ARFGEF2: variants seen among roughly 807,000 people sequenced by gnomAD.
ARFGEF2 encodes the protein brefeldin A-inhibited guanine nucleotide-exchange protein 2.
Under a neutral mutation model 219.9 loss-of-function variants are expected in ARFGEF2, and 74 were observed. The observed-to-expected ratio is 0.34, with a 90% confidence interval of 0.28 to 0.41. The LOEUF (loss-of-function observed/expected upper bound fraction) is 0.41. Among genes scored for constraint, ARFGEF2 ranks in the 10% least tolerant of loss-of-function variants. The pLI, the probability that ARFGEF2 is intolerant of heterozygous loss-of-function variation, is 1.00. For synonymous variants in ARFGEF2, 733 were observed against 799.2 expected, an observed-to-expected ratio of 0.92 and a Z score of 1.40; for missense variants, 1,743 against 2,218.3, an observed-to-expected ratio of 0.79 and a Z score of 4.30.
At chr20:49,018,203 G>T (rs2091542808) in intron 33 of ARFGEF2, among the ~76,000 whole-genome samples, 1 of 152,112 alleles carries the variant, frequency 6.6e-6, no homozygotes, top group African/African-American at 2.4e-5. Flanking sequence ...TACAGCAACT[G>T]TCTTCTGCTG....
intron 38 of ARFGEF2, 72 bp from the exon 39 acceptor site, chr20:49,032,951 A>G: frequency 1.4e-6 from 2 of 1,411,736 alleles, no homozygotes; most frequent in Admixed American, 1.8e-5. Flanking sequence ...GGTGAGATTA[A>G]CACTTCTGAA....
chr20:48,976,669 G>A (rs951557059), intron 14 of ARFGEF2, among the ~76,000 whole-genome samples: 6 of 152,010 alleles, frequency 3.9e-5, no homozygotes, highest in Non-Finnish European at 5.9e-5. Context: ...TTAGCCGGGC[G>A]TGGTGGCGGG....
chr20:48,939,250 G>A (rs1173882189), intron 1 of ARFGEF2, among the ~76,000 whole-genome samples: 1 of 152,066 alleles, frequency 6.6e-6, no homozygotes, highest in Non-Finnish European at 1.5e-5. Flanking sequence ...TGGGATTACA[G>A]GCATGAGCCA....
intron 1 of ARFGEF2, among the ~76,000 whole-genome samples, chr20:48,937,088 A>C (rs888014846): frequency 1.3e-5 from 2 of 152,164 alleles, no homozygotes; most frequent in Non-Finnish European, 2.9e-5. Flanking sequence ...TCTGTCTCCA[A>C]AACAAAAACA....
intron 20 of ARFGEF2, among the ~76,000 whole-genome samples, chr20:48,990,382 G>A (rs2091351042): frequency 6.6e-6 from 1 of 152,122 alleles, no homozygotes; most frequent in Non-Finnish European, 1.5e-5. Flanking sequence ...ATATGAATAT[G>A]TCTGTAAACC....
chr20:48,940,905 G>A (rs1423076070), intron 1 of ARFGEF2, among the ~76,000 whole-genome samples: 1 of 152,154 alleles, frequency 6.6e-6, no homozygotes, highest in Admixed American at 6.6e-5. Flanking sequence ...TGGTGCCAAG[G>A]CTGAGAAATC....
chr20:48,981,781 G>A (rs974826122), intron 14 of ARFGEF2, among the ~76,000 whole-genome samples: 2 of 152,064 alleles, frequency 1.3e-5, no homozygotes, highest in Non-Finnish European at 2.9e-5. Context: ...ATCTGCTATT[G>A]AAGCTTGTGC....
At chr20:49,010,844 T>G (rs1436759920) in intron 27 of ARFGEF2, among the ~76,000 whole-genome samples, 1 of 152,230 alleles carries the variant, frequency 6.6e-6, no homozygotes, top group Non-Finnish European at 1.5e-5. Context: ...AACATGTGCA[T>G]GCACAGAAGA....
intron 31 of ARFGEF2, 124 bp downstream of exon 31, chr20:49,016,539 T>G (rs2091531455): frequency 8.9e-7 from 1 of 1,123,458 alleles, no homozygotes; most frequent in Admixed American, 2.2e-5. Context: ...GTTGGTGAAA[T>G]GTATACGTTT....
intron 35 of ARFGEF2, among the ~76,000 whole-genome samples, chr20:49,023,780 C>T (rs534893614): frequency 9.2e-5 from 14 of 151,908 alleles, no homozygotes; most frequent in African/African-American, 1.9e-4. Flanking sequence ...CCTCGTGATC[C>T]GCCCGCCTCG....
Position 48,984,807 on chromosome 20 carries a change from C to T in ARFGEF2, c.2037C>T (p.Ala679=). The change falls in exon 15 of 39, where the codon GCC becomes GCT. Residue 679 remains alanine, a synonymous_variant. Transcript: ENST00000371917. ...GMLGTSVEDI[A]QFLHQEERLD... is the part of the protein sequence containing the mutation. ...TGGGAACGTCAGTTGAAGACATAGC[C>T]CAATTCCTGCACCAGGAGGAGCGCC... 6.2e-7 allele frequency: 1 copy of T among 1,612,992 alleles called. No homozygotes were observed. The highest frequency in any genetic ancestry group is 8.5e-7 in the Non-Finnish European group (1 of 1,180,016).
intron 26 of ARFGEF2, among the ~76,000 whole-genome samples, chr20:49,006,905 C>T (rs2091464109): frequency 6.7e-6 from 1 of 150,370 alleles, no homozygotes; most frequent in Non-Finnish European, 1.5e-5. Context: ...GACGGAGTCT[C>T]TCCTGACCTC....
intron 8 of ARFGEF2, among the ~76,000 whole-genome samples, chr20:48,968,192 A>G (rs933217273): frequency 4.0e-5 from 6 of 151,778 alleles, no homozygotes; most frequent in African/African-American, 1.2e-4. Context: ...ACGGGGTTTC[A>G]CCGTGTTAGC....
rs965578352 is a variant in ARFGEF2, at chr20:48,985,471, G to C, written c.2134G>C (p.Val712Leu). ...RFNKEVMYAYVDQLDFCEKEF... is the reference protein window; with the variant it reads ...RFNKEVMYAYLDQLDFCEKEF... The stretch of plus-strand genomic sequence containing the variant: ...CAACAAGGAGGTGATGTATGCCTAC[G>C]TGGACCAACTTGACTTCTGTGAAAA... The change falls in exon 16 of 39, where the codon GTG becomes CTG. Residue 712 changes from valine (V) to leucine (L), a missense_variant. Val to Leu is a conservative substitution (Grantham distance 32). Around this residue, in one of 5 missense-constraint regions of ARFGEF2, gnomAD observed 666 missense variants for 955.4 expected, o/e 0.70. Transcript: ENST00000371917. 1.2e-6 allele frequency: 2 copies of C among 1,614,228 alleles called. No homozygotes were observed. Among genetic ancestry groups the C allele is most frequent in the Non-Finnish European group, 1.7e-6 (2 of 1,180,040 alleles).
intron 3 of ARFGEF2, among the ~76,000 whole-genome samples, chr20:48,944,132 A>T (rs1258065176): frequency 6.6e-6 from 1 of 152,242 alleles, no homozygotes; most frequent in African/African-American, 2.4e-5. Context: ...AATTCTGTAC[A>T]GATTGTCCTA....
chr20:48,974,873 C>T lies in ARFGEF2; in HGVS notation c.1773C>T (p.Leu591=), dbSNP rs762969882. The T allele has an allele frequency of 2.4e-5, 39 of 1,612,494 alleles. No individual in the cohort carries two copies. Among genetic ancestry groups the T allele is most frequent in the South Asian group, 5.5e-5 (5 of 90,840 alleles). Residue 591 remains leucine (L), a splice_region_variant and synonymous_variant, in exon 13 of 39, where the codon CTC becomes CTT. Coordinates refer to ENST00000371917, the MANE Select transcript of ARFGEF2 (RefSeq NM_006420.3). ...TGAATCCCAACCACCAGACCAGCCT[C>T]GGTGAGACAGCATTGCTGCCACACC... ...LYVNPNHQTS[L]GQERLTDQEI...
intron 37 of ARFGEF2, among the ~76,000 whole-genome samples, chr20:49,029,841 C>T (rs1272322457): frequency 4.6e-5 from 7 of 151,668 alleles, no homozygotes; most frequent in Non-Finnish European, 1.0e-4. Context: ...GATCTGCCGA[C>T]CTCCGCCTCC....
chr20:48,986,089 G>A (rs1161913030), intron 16 of ARFGEF2, among the ~76,000 whole-genome samples: 4 of 152,104 alleles, frequency 2.6e-5, no homozygotes. Flanking sequence ...CTTTTTTGAT[G>A]GGCGGTTCGT....
At chr20:48,980,889 A>G (rs1424490132) in intron 14 of ARFGEF2, among the ~76,000 whole-genome samples, 4 of 152,044 alleles carry the variant, frequency 2.6e-5, no homozygotes, top group Non-Finnish European at 5.9e-5. Flanking sequence ...TGCACGTGAG[A>G]TGGGTCTCCT....
Sources: allele counts gnomAD v4.1 joint callset (sites outside exome capture counted in the v4.1 genomes callset), GRCh38; gene constraint gnomAD v4.1.1; regional missense constraint gnomAD v4.1.1; transcripts MANE v1.5; gene names NCBI Gene and HGNC (gene_info 2026-07-23, HGNC 2026-07-21).